DCC: variants seen among roughly 807,000 people sequenced by gnomAD.
DCC encodes the protein netrin receptor DCC.
DCC carries 58 observed loss-of-function variants against 172.5 expected under a neutral mutation model. That is an observed-to-expected ratio of 0.34 (90% CI 0.27 to 0.42). The LOEUF is 0.42. Among genes scored for constraint, DCC ranks in the 10% least tolerant of loss-of-function variants. The pLI is 1.00. For synonymous variants in DCC, 709 were observed against 644.5 expected (o/e 1.10, Z -1.52); for missense variants, 1,740 against 1,791.0 (o/e 0.97, Z 0.51).
chr18:53,511,228 C>T (rs955090353), intron 27 of DCC, among the ~76,000 whole-genome samples: 1 of 152,168 alleles, frequency 6.6e-6, no homozygotes, highest in African/African-American at 2.4e-5. Flanking sequence ...AGACAAGGTA[C>T]TGATAACCAG....
intron 7 of DCC, among the ~76,000 whole-genome samples, chr18:53,113,248 C>A (rs994542145): frequency 2.6e-5 from 4 of 151,348 alleles, no homozygotes; most frequent in Admixed American, 1.3e-4. Context: ...GAATCAGAAT[C>A]TTTTATTCAG....
chr18:53,279,098 G>A (rs1354125586), intron 12 of DCC, among the ~76,000 whole-genome samples: 10 of 152,210 alleles, frequency 6.6e-5, no homozygotes, highest in South Asian at 2.1e-4. Flanking sequence ...TTCAATGATC[G>A]CCATTCTAAC....
At chr18:52,869,361 G>A (rs979236512) in intron 2 of DCC, among the ~76,000 whole-genome samples, 5 of 152,184 alleles carry the variant, frequency 3.3e-5, no homozygotes, top group East Asian at 1.9e-4. Flanking sequence ...ATAGCTGGTC[G>A]TCCTGTTGTC....
intron 9 of DCC, among the ~76,000 whole-genome samples, chr18:53,195,110 C>T (rs949167907): frequency 6.6e-6 from 1 of 152,128 alleles, no homozygotes; most frequent in African/African-American, 2.4e-5. Flanking sequence ...GTATTTAATA[C>T]TTGGCCCAAG....
At chr18:52,789,483 T>A (rs938230379) in intron 2 of DCC, among the ~76,000 whole-genome samples, 2 of 152,300 alleles carry the variant, frequency 1.3e-5, no homozygotes, top group South Asian at 2.1e-4. Context: ...AACTTGGATA[T>A]CTGCTTTGAA....
intron 16 of DCC, among the ~76,000 whole-genome samples, chr18:53,388,273 A>G (rs1908305939): frequency 6.6e-6 from 1 of 151,236 alleles, no homozygotes; most frequent in Non-Finnish European, 1.5e-5. Context: ...TTTTGCTTCC[A>G]CATGTCATGG....
intron 1 of DCC, among the ~76,000 whole-genome samples, chr18:52,751,281 A>C (rs1336386030): frequency 6.6e-6 from 1 of 152,234 alleles, no homozygotes; most frequent in African/African-American, 2.4e-5. Flanking sequence ...CTATACTGCC[A>C]GCTTCAAAAA....
At chr18:52,787,017 C>T (rs1485767694) in intron 2 of DCC, among the ~76,000 whole-genome samples, 5 of 152,074 alleles carry the variant, frequency 3.3e-5, no homozygotes, top group African/African-American at 1.2e-4. Flanking sequence ...TCTAGAGGAA[C>T]TAGGCAGAGA....
chr18:53,474,743 A>G (rs566944078), intron 25 of DCC, among the ~76,000 whole-genome samples: 1 of 152,228 alleles, frequency 6.6e-6, no homozygotes, highest in Admixed American at 6.5e-5. Flanking sequence ...AAATGGACTA[A>G]TATAGTAATT....
intron 24 of DCC, among the ~76,000 whole-genome samples, chr18:53,459,975 CACAT>C (rs1568145861): frequency 6.7e-6 from 1 of 149,094 alleles, no homozygotes; most frequent in African/African-American, 2.5e-5. Context: ...AACTGTCATC[CACAT>C]ACAGTCACCT....
intron 7 of DCC, among the ~76,000 whole-genome samples, chr18:53,140,455 G>A (rs2043813667): frequency 6.6e-6 from 1 of 152,156 alleles, no homozygotes; most frequent in African/African-American, 2.4e-5. Context: ...GGAGAATATT[G>A]CAGGTGTCTT....
chr18:52,977,401 G>T (rs1340447142), intron 5 of DCC, among the ~76,000 whole-genome samples: 3 of 152,154 alleles, frequency 2.0e-5, no homozygotes, highest in African/African-American at 4.8e-5. Flanking sequence ...AAAGATCCCA[G>T]GGTGATGCCA....
intron 1 of DCC, among the ~76,000 whole-genome samples, chr18:52,365,901 A>T (rs546462239): frequency 7.9e-5 from 12 of 152,354 alleles, no homozygotes; most frequent in Non-Finnish European, 1.5e-4. Flanking sequence ...TTATAAAAAT[A>T]GTCTGGACTT....
At chr18:53,099,242 A>G (rs1599132792) in intron 7 of DCC, among the ~76,000 whole-genome samples, 2 of 151,788 alleles carry the variant, frequency 1.3e-5, no homozygotes, top group African/African-American at 4.8e-5. Context: ...CCCCCTATGT[A>G]TTTATTTATT....
chr18:53,007,461 A>G (rs1227298880), intron 5 of DCC, among the ~76,000 whole-genome samples: 2 of 152,176 alleles, frequency 1.3e-5, no homozygotes, highest in Non-Finnish European at 2.9e-5. Flanking sequence ...GGAACTAAAT[A>G]AGAGCTGAGG....
At chr18:52,526,663 T>A (rs892523186) in intron 1 of DCC, among the ~76,000 whole-genome samples, 1 of 152,194 alleles carries the variant, frequency 6.6e-6, no homozygotes, top group Admixed American at 6.5e-5. Context: ...TGTGTGAACA[T>A]GTTTTGAAAA....
At chr18:53,452,087 GTGCAGGGC>G (rs1014738691) in intron 23 of DCC, among the ~76,000 whole-genome samples, 2 of 152,208 alleles carry the variant, frequency 1.3e-5, no homozygotes, top group Admixed American at 6.5e-5. Flanking sequence ...AGCTTCCACA[GTGCAGGGC>G]TGTTAATAAG....
At chr18:52,464,905 T>G (rs561607269) in intron 1 of DCC, among the ~76,000 whole-genome samples, 5 of 152,220 alleles carry the variant, frequency 3.3e-5, no homozygotes, top group Admixed American at 1.3e-4. Flanking sequence ...ATATCTTTAT[T>G]GGTTATCTCT....
At position 52,868,075 on chromosome 18, in the gene DCC, G is replaced by A. The variant is rs201839908; in HGVS notation, c.413-37969G>A. 7.4e-4 allele frequency among the ~76,000 whole-genome samples: 89 copies of A among 121,032 alleles called. 1 individual carries two copies. Among genetic ancestry groups the A allele is most frequent in the East Asian group, 2.4e-3 (11 of 4,540 alleles). 79.4% of individuals were successfully genotyped at this position (121,032 alleles called of 152,430 possible). On this transcript the variant is annotated intron_variant, in intron 2 of 28. Coordinates refer to ENST00000442544, the MANE Select transcript of DCC (RefSeq NM_005215.4). ...TATATGTGTGTGTGTGTGTGTGTGTGTGTATATATGTGTGTATATATATAT... is the reference window on the plus strand; with the variant it reads ...TATATGTGTGTGTGTGTGTGTGTGTATGTATATATGTGTGTATATATATAT...
Sources: gnomAD v4.1 joint callset for allele counts (sites outside exome capture counted in the v4.1 genomes callset) on GRCh38, gnomAD v4.1.1 for gene constraint, MANE v1.5 for transcripts, NCBI Gene and HGNC (gene_info 2026-07-23, HGNC 2026-07-21) for gene names.